PPCDC: variants seen among roughly 807,000 people sequenced by gnomAD.
PPCDC encodes the protein phosphopantothenoylcysteine decarboxylase.
A neutral mutation model predicts 20.7 loss-of-function variants in PPCDC; 20 were observed. The ratio of observed to expected loss-of-function variants is 0.97; its 90% confidence interval spans 0.68 to 1.41. PPCDC has a LOEUF of 1.41. Ranked by LOEUF, PPCDC falls within the 40% of genes most tolerant of loss-of-function variation. The pLI is 0.00. For missense variants in PPCDC, 246 were observed against 263.8 expected (o/e 0.93, Z 0.47); for synonymous variants, 88 against 100.3 (o/e 0.88, Z 0.73).
At chr15:75,039,418 G>C (rs904404512) in intron 2 of PPCDC, among the ~76,000 whole-genome samples, 1 of 152,160 alleles carries the variant, frequency 6.6e-6, no homozygotes, top group Non-Finnish European at 1.5e-5. Flanking sequence ...GGACTCCTTT[G>C]ACCTCTGTTG....
intron 2 of PPCDC, among the ~76,000 whole-genome samples, chr15:75,033,725 T>C (rs1432908756): frequency 2.0e-5 from 3 of 152,170 alleles, no homozygotes; most frequent in Non-Finnish European, 4.4e-5. Context: ...GAGACCTTTA[T>C]TTGTGCCTCT....
chr15:75,034,413 C>A lies in PPCDC; in HGVS notation c.135+5960C>A, dbSNP rs28394281. Among the ~76,000 whole-genome samples, 22 of 152,128 alleles carry A rather than the reference C, an allele frequency of 1.4e-4. 1 individual carries two copies. Among genetic ancestry groups the A allele is most frequent in the African/African-American group, 5.3e-4 (22 of 41,468 alleles). ...GCTTGGATCTTATCAGCCCTGCCCC[C>A]ACCATATAAGAGGCTTAGTAAATGT... is the stretch of plus-strand genomic sequence containing the variant. On this transcript the variant is annotated intron_variant, in intron 2 of 5. Transcript: ENST00000342932.
chr15:75,048,627 G>C lies in PPCDC; in HGVS notation c.435G>C (p.Glu145Asp), dbSNP rs2066271843. The C allele has an allele frequency of 6.2e-7, 1 of 1,614,118 alleles. No individual in the cohort carries two copies. ...FCPAMNTAMW[E>D]HPITAQQVDQ... is the part of the protein sequence containing the mutation. ...CGGCCATGAACACCGCCATGTGGGA[G>C]CACCCGATCACAGCGCAGCAGGTAG... Residue 145 changes from glutamate (E) to aspartate (D), a missense_variant, in exon 5 of 6, where the codon GAG becomes GAC. Glu to Asp is a conservative substitution (Grantham distance 45). Coordinates refer to ENST00000342932, the MANE Select transcript of PPCDC (RefSeq NM_021823.5).
intron 2 of PPCDC, among the ~76,000 whole-genome samples, chr15:75,035,308 A>G (rs762500858): frequency 1.3e-4 from 20 of 152,146 alleles, no homozygotes; most frequent in Admixed American, 5.2e-4. Context: ...TAGTGGGTAG[A>G]GGCCAGGAAT....
chr15:75,028,518 G>T, intron 2 of PPCDC, 65 bp downstream of exon 2: 3 of 1,594,714 alleles, frequency 1.9e-6, no homozygotes, highest in Non-Finnish European at 2.6e-6. Context: ...CCCGGGGATG[G>T]CCCATTGCTC....
intron 1 of PPCDC, among the ~76,000 whole-genome samples, chr15:75,024,372 A>G (rs1333790530): frequency 6.6e-6 from 1 of 151,906 alleles, no homozygotes; most frequent in Non-Finnish European, 1.5e-5. Flanking sequence ...TTTTGAGACA[A>G]GGTCTCATTC....
chr15:75,037,205 T>C (rs375395537), intron 2 of PPCDC, among the ~76,000 whole-genome samples: 1 of 152,122 alleles, frequency 6.6e-6, no homozygotes, highest in South Asian at 2.1e-4. Flanking sequence ...AAGCAGGCAG[T>C]GTATTAGCAG....
At chr15:75,037,366 G>C (rs1330761322) in intron 2 of PPCDC, among the ~76,000 whole-genome samples, 1 of 152,144 alleles carries the variant, frequency 6.6e-6, no homozygotes, top group African/African-American at 2.4e-5. Context: ...CAGGAGGCTC[G>C]AGAGGGCTGT....
chr15:75,032,803 TTTA>T (rs1348553864), intron 2 of PPCDC, among the ~76,000 whole-genome samples: 1 of 150,480 alleles, frequency 6.6e-6, no homozygotes, highest in Non-Finnish European at 1.5e-5. Flanking sequence ...CATTTTAATT[TTTA>T]TTATTTATTT....
At chr15:75,037,388 GGAA>G (rs899653582) in intron 2 of PPCDC, among the ~76,000 whole-genome samples, 6 of 152,184 alleles carry the variant, frequency 3.9e-5, no homozygotes, top group Non-Finnish European at 7.3e-5. Flanking sequence ...TTATGTATTT[GGAA>G]GAAGAACAAT....
intron 4 of PPCDC, among the ~76,000 whole-genome samples, chr15:75,047,719 T>C (rs1210533501): frequency 6.6e-6 from 1 of 152,232 alleles, no homozygotes; most frequent in African/African-American, 2.4e-5. Context: ...GGGAGGGACC[T>C]TTCTAGAGAG....
chr15:75,041,787 T>C (rs1251025023), intron 2 of PPCDC, among the ~76,000 whole-genome samples: 2 of 152,248 alleles, frequency 1.3e-5, no homozygotes, highest in Non-Finnish European at 1.5e-5. Context: ...TCTTCTTCTC[T>C]GAGACTTCTA....
chr15:75,024,676 CT>C lies in PPCDC; in HGVS notation c.-73+1063del, dbSNP rs35831714. Among the ~76,000 whole-genome samples, 289 of 139,890 alleles carry C rather than the reference CT, an allele frequency of 2.1e-3. 1 individual carries two copies. Among genetic ancestry groups the C allele is most frequent in the Middle Eastern group, 0.011 (3 of 266 alleles). The allele number at this position is 139,890 out of a possible 152,430, so 91.8% of individuals were successfully genotyped here. ...CCTCCTGTATACTCTTTTTTCTTTT[CT>C]TTTTTTTTTTTTGAGTCAGGGTCTC... On this transcript the variant is annotated intron_variant, in intron 1 of 5. Transcript: ENST00000342932.
chr15:75,048,753 C>G, intron 5 of PPCDC, 32 bp downstream of exon 5: 5 of 1,607,640 alleles, frequency 3.1e-6, no homozygotes, highest in Non-Finnish European at 3.4e-6. Flanking sequence ...TAGCCCAGGG[C>G]TGTAGAAGGG....
rs575354990 is a variant in PPCDC, at chr15:75,032,082, C to G, written c.135+3629C>G. Among the ~76,000 whole-genome samples the G allele has an allele frequency of 3.9e-5, 6 of 152,246 alleles. No individual in the cohort carries two copies. In the South Asian group the frequency reaches 1.0e-3, roughly 26 times the overall value. On this transcript the variant is annotated intron_variant, in intron 2 of 5. Coordinates refer to ENST00000342932, the MANE Select transcript of PPCDC (RefSeq NM_021823.5). The stretch of plus-strand genomic sequence containing the variant: ...GTTCCTCCCTGCATTTGTTTTTCCC[C>G]CAGTGCCTTCAGGTTTGAAATAATC...
At chr15:75,044,692 C>T in intron 4 of PPCDC, 178 bp downstream of exon 4, 1 of 827,758 alleles carries the variant, frequency 1.2e-6, no homozygotes, top group South Asian at 1.8e-5. Flanking sequence ...AGCACATGGG[C>T]ACAGCCCTGG....
intron 3 of PPCDC, among the ~76,000 whole-genome samples, chr15:75,043,962 CAG>C (rs1275568017): frequency 6.6e-6 from 1 of 152,176 alleles, no homozygotes; most frequent in Non-Finnish European, 1.5e-5. Flanking sequence ...GTGGGCCTCA[CAG>C]GGGTTCCCTG....
chr15:75,033,906 C>T (rs1595902279), intron 2 of PPCDC, among the ~76,000 whole-genome samples: 1 of 152,266 alleles, frequency 6.6e-6, no homozygotes, highest in East Asian at 1.9e-4. Flanking sequence ...CCCTGGTTTC[C>T]TTCTTGAGAA....
intron 2 of PPCDC, 132 bp from the exon 3 acceptor site, chr15:75,043,309 A>G: frequency 2.9e-6 from 2 of 680,550 alleles, no homozygotes; most frequent in Non-Finnish European, 5.0e-6. Flanking sequence ...GCAGCTAAGG[A>G]GGGAAGTCCT....
Sources: allele counts gnomAD v4.1 joint callset (sites outside exome capture counted in the v4.1 genomes callset), GRCh38; gene constraint gnomAD v4.1.1; transcripts MANE v1.5; gene names NCBI Gene and HGNC (gene_info 2026-07-23, HGNC 2026-07-21).